Variants in SPOCK1 observed in about 807,000 individuals in gnomAD.
The protein encoded by SPOCK1 is testican-1.
A neutral mutation model predicts 55.3 loss-of-function variants in SPOCK1; 23 were observed. The observed-to-expected ratio is 0.42, with a 90% CI of 0.30 to 0.59. SPOCK1 has a LOEUF of 0.59. SPOCK1 is among the 20% of genes least tolerant of loss of function. SPOCK1 has a pLI of 0.22. For missense variants in SPOCK1, 499 were observed against 552.5 expected (o/e 0.90, Z 0.97); for synonymous variants, 226 against 221.0 (o/e 1.02, Z -0.20).
chr5:136,984,778 G>A (rs1750806897), intron 9 of SPOCK1, among the ~76,000 whole-genome samples: 1 of 152,314 alleles, frequency 6.6e-6, no homozygotes, highest in Non-Finnish European at 1.5e-5. Context: ...GGGGAATGGA[G>A]GAAATGCTAT....
chr5:137,422,628 A>T (rs1308257560), intron 2 of SPOCK1, among the ~76,000 whole-genome samples: 1 of 152,196 alleles, frequency 6.6e-6, no homozygotes. Flanking sequence ...CTTGGTTTTC[A>T]GCTCCATCAG....
chr5:137,079,546 G>A (rs1027322414), intron 5 of SPOCK1, among the ~76,000 whole-genome samples: 27 of 100,846 alleles, frequency 2.7e-4, no homozygotes, highest in East Asian at 6.3e-4. Flanking sequence ...CCCCCCCCCC[G>A]ACTTAGTGAA....
chr5:137,012,462 A>T (rs1464897328), intron 6 of SPOCK1, among the ~76,000 whole-genome samples: 1 of 152,158 alleles, frequency 6.6e-6, no homozygotes, highest in Non-Finnish European at 1.5e-5. Context: ...TCCAAGTGAT[A>T]GATTCATTAA....
At chr5:137,493,322 G>T in intron 2 of SPOCK1, among the ~76,000 whole-genome samples, 1 of 152,188 alleles carries the variant, frequency 6.6e-6, no homozygotes, top group East Asian at 1.9e-4. Context: ...GAATGATGAG[G>T]TCCCACTCCT....
At chr5:137,295,729 A>G (rs911133104) in intron 2 of SPOCK1, among the ~76,000 whole-genome samples, 1 of 152,210 alleles carries the variant, frequency 6.6e-6, no homozygotes, top group African/African-American at 2.4e-5. Context: ...ACTGAAAAAA[A>G]AAAAATACAT....
intron 3 of SPOCK1, among the ~76,000 whole-genome samples, chr5:137,172,073 G>A (rs371930974): frequency 2.0e-5 from 3 of 152,136 alleles, no homozygotes; most frequent in East Asian, 1.9e-4. Flanking sequence ...GAAAGTCAAC[G>A]ATTATTTCAT....
intron 3 of SPOCK1, among the ~76,000 whole-genome samples, chr5:137,209,842 G>A (rs1048966073): frequency 5.3e-5 from 8 of 152,184 alleles, no homozygotes; most frequent in Non-Finnish European, 1.2e-4. Context: ...ACCACAGGAA[G>A]TGCAGAGAAA....
intron 4 of SPOCK1, among the ~76,000 whole-genome samples, chr5:137,131,015 C>T (rs2905979): frequency 0.9 from 136,510 of 152,274 alleles, 61,268 homozygotes; most frequent in African/African-American, 0.93. Context: ...TAGCCTTGAA[C>T]GTCCATCTAA....
intron 4 of SPOCK1, among the ~76,000 whole-genome samples, chr5:137,136,964 G>C (rs749104097): frequency 1.3e-5 from 2 of 152,198 alleles, no homozygotes; most frequent in African/African-American, 4.8e-5. Flanking sequence ...AGCAGGGGAG[G>C]GCTGGCTGCC....
At chr5:137,258,869 A>C (rs1210320610) in intron 3 of SPOCK1, among the ~76,000 whole-genome samples, 4 of 152,222 alleles carry the variant, frequency 2.6e-5, no homozygotes, top group Non-Finnish European at 5.9e-5. Context: ...AGGGTGGAGC[A>C]CAACCCAGAA....
At chr5:137,331,012 A>G (rs1450701527) in intron 2 of SPOCK1, among the ~76,000 whole-genome samples, 2 of 152,236 alleles carry the variant, frequency 1.3e-5, no homozygotes, top group Admixed American at 6.5e-5. Context: ...AAGCCATGTA[A>G]TCAGCAAATG....
intron 2 of SPOCK1, among the ~76,000 whole-genome samples, chr5:137,388,111 C>A (rs1751635246): frequency 6.6e-6 from 1 of 152,148 alleles, no homozygotes; most frequent in African/African-American, 2.4e-5. Context: ...AAAATAGGAA[C>A]AGTTATACCA....
chr5:137,232,803 C>A (rs1239527886), intron 3 of SPOCK1, among the ~76,000 whole-genome samples: 1 of 152,200 alleles, frequency 6.6e-6, no homozygotes, highest in Non-Finnish European at 1.5e-5. Context: ...TGTTAAGTCT[C>A]CAAATCCATT....
intron 2 of SPOCK1, among the ~76,000 whole-genome samples, chr5:137,350,769 A>C (rs553976808): frequency 6.6e-6 from 1 of 152,206 alleles, no homozygotes; most frequent in South Asian, 2.1e-4. Flanking sequence ...GCCCTTCTTC[A>C]AAAAGCAGGA....
chr5:137,005,106 G>T (rs1300405496), intron 6 of SPOCK1, among the ~76,000 whole-genome samples: 1 of 152,148 alleles, frequency 6.6e-6, no homozygotes, highest in African/African-American at 2.4e-5. Flanking sequence ...GCTGATAAGA[G>T]AAACCCTCTT....
chr5:136,979,315 C>A lies in SPOCK1; in HGVS notation c.1129+17G>T. 6.2e-7 allele frequency: 1 copy of A among 1,613,502 alleles called. No individual in the cohort carries two copies. Among genetic ancestry groups the A allele is most frequent in the South Asian group, 1.1e-5 (1 of 90,996 alleles). ...CACCCAGGTCATTGTGGGGCTCATG[C>A]AGGAGGCCTTACTCACCACAGCTCA... is the stretch of plus-strand genomic sequence containing the variant. On this transcript the variant is annotated intron_variant, in intron 10 of 10. Coordinates refer to ENST00000394945, the MANE Select transcript of SPOCK1 (RefSeq NM_004598.4).
At chr5:137,362,725 T>C (rs1750977829) in intron 2 of SPOCK1, among the ~76,000 whole-genome samples, 1 of 152,204 alleles carries the variant, frequency 6.6e-6, no homozygotes, top group African/African-American at 2.4e-5. Flanking sequence ...CAAAGACAGC[T>C]ATAGATAATA....
At chr5:137,079,517 T>C (rs1752834283) in intron 5 of SPOCK1, among the ~76,000 whole-genome samples, 2 of 130,484 alleles carry the variant, frequency 1.5e-5, no homozygotes, top group African/African-American at 2.8e-5. Context: ...CTGTCTCTCC[T>C]ACCATCCCAT....
chr5:137,129,622 G>A (rs955962700), intron 4 of SPOCK1, among the ~76,000 whole-genome samples: 1 of 152,194 alleles, frequency 6.6e-6, no homozygotes, highest in Non-Finnish European at 1.5e-5. Flanking sequence ...CCACAGGACT[G>A]GTTGAGTTGT....
Sources: gnomAD v4.1 joint callset for allele counts (sites outside exome capture counted in the v4.1 genomes callset) on GRCh38, gnomAD v4.1.1 for gene constraint, MANE v1.5 for transcripts, NCBI Gene and HGNC (gene_info 2026-07-23, HGNC 2026-07-21) for gene names.